GDPD4: variants seen among roughly 807,000 people sequenced by gnomAD.
GDPD4 encodes glycerophosphodiester phosphodiesterase domain containing 4, also known as glycerophosphodiester phosphodiesterase 6.
GDPD4 carries 60 observed loss-of-function variants against 67.8 expected under a neutral mutation model. The observed-to-expected ratio is 0.88, with a 90% CI of 0.72 to 1.10. The LOEUF is 1.10. Among genes scored for constraint, GDPD4 ranks in the 50% least tolerant of loss-of-function variants. GDPD4 has a pLI of 0.00. For missense variants in GDPD4, 623 were observed against 613.9 expected (o/e 1.01, Z -0.16); for synonymous variants, 212 against 210.9 (o/e 1.00, Z -0.04).
intron 16 of GDPD4, among the ~76,000 whole-genome samples, chr11:77,226,817 C>T (rs1958348965): frequency 6.6e-6 from 1 of 152,156 alleles, no homozygotes; most frequent in African/African-American, 2.4e-5. Flanking sequence ...CTTAAACCTC[C>T]AGTTTCACAG....
intron 1 of GDPD4, among the ~76,000 whole-genome samples, chr11:77,294,960 C>CTTTT (rs144796072): frequency 1.8e-3 from 120 of 66,254 alleles, no homozygotes; most frequent in Middle Eastern, 0.014. Flanking sequence ...TACAACTTTG[C>CTTTT]TTTTTTTTTT....
chr11:77,233,243 C>T (rs1353451203), intron 13 of GDPD4, 71 bp from the exon 14 acceptor site: 2 of 1,485,134 alleles, frequency 1.3e-6, no homozygotes, highest in Non-Finnish European at 1.9e-6. Flanking sequence ...GGAGAACAGC[C>T]ACCATGTTTG....
intron 10 of GDPD4, 38 bp downstream of exon 10, chr11:77,268,418 AT>A (rs762492988): frequency 7.2e-7 from 1 of 1,379,354 alleles, no homozygotes; most frequent in African/African-American, 1.4e-5. Flanking sequence ...CATTGAACTT[AT>A]ACCCTCCTCC....
At chr11:77,255,121 C>T (rs1206230171) in intron 11 of GDPD4, among the ~76,000 whole-genome samples, 2 of 152,006 alleles carry the variant, frequency 1.3e-5, no homozygotes, top group African/African-American at 4.8e-5. Flanking sequence ...ATGCTACAAG[C>T]AAAGCACCTA....
intron 16 of GDPD4, among the ~76,000 whole-genome samples, chr11:77,222,602 T>TGTTA (rs1320906609): frequency 6.6e-6 from 1 of 152,248 alleles, no homozygotes; most frequent in Non-Finnish European, 1.5e-5. Flanking sequence ...AGAGATCCGC[T>TGTTA]GTTAGTCTGA....
intron 1 of GDPD4, among the ~76,000 whole-genome samples, chr11:77,300,740 T>C (rs1409634027): frequency 6.6e-6 from 1 of 152,172 alleles, no homozygotes; most frequent in Non-Finnish European, 1.5e-5. Context: ...TACAGTGCAA[T>C]TTAACTGGAA....
At chr11:77,218,410 T>G (rs1958166128) in intron 16 of GDPD4, among the ~76,000 whole-genome samples, 1 of 152,172 alleles carries the variant, frequency 6.6e-6, no homozygotes, top group Non-Finnish European at 1.5e-5. Context: ...ATTATTATAC[T>G]TTAAGTTCTA....
At chr11:77,299,892 T>C (rs1050070528) in intron 1 of GDPD4, among the ~76,000 whole-genome samples, 5 of 152,098 alleles carry the variant, frequency 3.3e-5, no homozygotes, top group Non-Finnish European at 5.9e-5. Context: ...AATCTACCTC[T>C]CTATATGACA....
At chr11:77,251,069 A>G (rs1396531635) in intron 11 of GDPD4, among the ~76,000 whole-genome samples, 2 of 152,182 alleles carry the variant, frequency 1.3e-5, no homozygotes, top group Non-Finnish European at 2.9e-5. Context: ...TGTAGGCAGC[A>G]TATAGTTGAG....
At chr11:77,253,619 G>A (rs751753473) in intron 11 of GDPD4, among the ~76,000 whole-genome samples, 9 of 152,142 alleles carry the variant, frequency 5.9e-5, no homozygotes, top group Non-Finnish European at 8.8e-5. Flanking sequence ...TGTTAGCTCA[G>A]CCATGGAACG....
At chr11:77,222,110 T>C (rs958577058) in intron 16 of GDPD4, among the ~76,000 whole-genome samples, 4 of 152,214 alleles carry the variant, frequency 2.6e-5, no homozygotes, top group African/African-American at 7.2e-5. Context: ...TTTGAGCCTA[T>C]GTGTGTGTCT....
chr11:77,247,826 C>T (rs1167875339), intron 11 of GDPD4, among the ~76,000 whole-genome samples: 3 of 151,862 alleles, frequency 2.0e-5, no homozygotes, highest in Admixed American at 1.3e-4. Context: ...CCGAGACGGG[C>T]GAATCACCTG....
rs111996613 is a variant in GDPD4, at chr11:77,223,040, G to A, written c.1525+4824C>T. On this transcript the variant is annotated intron_variant, in intron 16 of 16. Transcript: ENST00000315938. ...CTACTGAAGCTTGTGCATGTGTCAC[G>A]TAGTTCTCATGCCATGGTTTTCAGC... Among the ~76,000 whole-genome samples, 367 of 152,278 alleles carry A rather than the reference G, an allele frequency of 2.4e-3. 1 individual carries two copies. Among genetic ancestry groups the A allele is most frequent in the African/African-American group, 8.0e-3 (334 of 41,552 alleles).
chr11:77,217,920 T>TAGA (rs1958154348), intron 16 of GDPD4, among the ~76,000 whole-genome samples: 1 of 152,212 alleles, frequency 6.6e-6, no homozygotes, highest in South Asian at 2.1e-4. Context: ...GGCCAAAATC[T>TAGA]AGAAGAGTGT....
intron 16 of GDPD4, among the ~76,000 whole-genome samples, chr11:77,221,928 C>A (rs189342268): frequency 0.053 from 8,013 of 152,052 alleles, 736 homozygotes; most frequent in African/African-American, 0.18. Flanking sequence ...GTATTGGGTG[C>A]ATATATATTT....
chr11:77,265,005 A>T (rs1432134212), intron 10 of GDPD4, among the ~76,000 whole-genome samples: 1 of 152,128 alleles, frequency 6.6e-6, no homozygotes, highest in Non-Finnish European at 1.5e-5. Flanking sequence ...CAACAGACTT[A>T]TATCTGTTTA....
chr11:77,258,645 A>G, intron 10 of GDPD4, 103 bp from the exon 11 acceptor site: 1 of 986,916 alleles, frequency 1.0e-6, no homozygotes, highest in East Asian at 2.4e-5. Context: ...AAGTGTCACT[A>G]GGGCTCCTTA....
intron 11 of GDPD4, among the ~76,000 whole-genome samples, chr11:77,247,350 G>A (rs1421413601): frequency 1.3e-5 from 2 of 152,128 alleles, no homozygotes; most frequent in Non-Finnish European, 2.9e-5. Context: ...ATTGTTAAAA[G>A]AATTTATGGG....
intron 16 of GDPD4, among the ~76,000 whole-genome samples, chr11:77,220,465 C>T (rs111869134): frequency 0.016 from 2,486 of 152,220 alleles, 24 homozygotes; most frequent in African/African-American, 0.025. Flanking sequence ...GAGATAATCA[C>T]GTGGTTTTTG....
Sources: gnomAD v4.1 joint callset for allele counts (sites outside exome capture counted in the v4.1 genomes callset) on GRCh38, gnomAD v4.1.1 for gene constraint, MANE v1.5 for transcripts, NCBI Gene and HGNC (gene_info 2026-07-23, HGNC 2026-07-21) for gene names.